Variants in RCOR1 observed in about 807,000 individuals in gnomAD.
The protein encoded by RCOR1 is REST corepressor.
RCOR1 carries 12 observed loss-of-function variants against 64.0 expected under a neutral mutation model. The observed-to-expected ratio is 0.19, with a 90% confidence interval of 0.12 to 0.30. The LOEUF (loss-of-function observed/expected upper bound fraction) is 0.30. Ranked by LOEUF, RCOR1 falls within the 10% of genes least tolerant of loss-of-function variation. The probability of loss-of-function intolerance (pLI) is 1.00; values close to 1 mark genes in which losing one functional copy is unlikely to be tolerated. For synonymous variants in RCOR1, 279 were observed against 227.2 expected (o/e 1.23, Z -2.05); for missense variants, 502 against 621.2 (o/e 0.81, Z 2.04).
At chr14:102,608,303 A>G (rs1893557810) in intron 2 of RCOR1, among the ~76,000 whole-genome samples, 1 of 152,168 alleles carries the variant, frequency 6.6e-6, no homozygotes, top group Non-Finnish European at 1.5e-5. Context: ...GTAAATGGGT[A>G]TGTGACCTTC....
At chr14:102,671,943 G>A (rs1895038876) in intron 2 of RCOR1, among the ~76,000 whole-genome samples, 2 of 152,100 alleles carry the variant, frequency 1.3e-5, no homozygotes, top group African/African-American at 2.4e-5. Flanking sequence ...GTGGATTTTT[G>A]TGCATGTGAC....
chr14:102,657,359 C>T, intron 2 of RCOR1: 1 of 985,182 alleles, frequency 1.0e-6, no homozygotes, highest in Non-Finnish European at 1.2e-6. Context: ...ATGTTTTAAT[C>T]CTAATTTAAG....
chr14:102,655,798 C>A (rs552657813), intron 2 of RCOR1, among the ~76,000 whole-genome samples: 3 of 152,018 alleles, frequency 2.0e-5, no homozygotes, highest in Non-Finnish European at 4.4e-5. Context: ...ACTAAAAATA[C>A]AAAAATTAGC....
At chr14:102,685,068 G>T (rs1895388579) in intron 3 of RCOR1, among the ~76,000 whole-genome samples, 1 of 151,410 alleles carries the variant, frequency 6.6e-6, no homozygotes, top group Non-Finnish European at 1.5e-5. Context: ...TTTCTTGTGT[G>T]TGTGTGTGTG....
At chr14:102,613,582 G>A (rs1428836097) in intron 2 of RCOR1, among the ~76,000 whole-genome samples, 3 of 151,732 alleles carry the variant, frequency 2.0e-5, no homozygotes, top group African/African-American at 4.8e-5. Context: ...ACAGGCGCCC[G>A]CCACTGCGCC....
chr14:102,721,853 CAG>C (rs1362575416), intron 10 of RCOR1, among the ~76,000 whole-genome samples: 2 of 152,142 alleles, frequency 1.3e-5, no homozygotes, highest in Non-Finnish European at 2.9e-5. Context: ...AAGAAGCAGA[CAG>C]AGTGTTCAGC....
At chr14:102,596,621 G>A (rs1429221266) in intron 2 of RCOR1, among the ~76,000 whole-genome samples, 40 of 146,874 alleles carry the variant, frequency 2.7e-4, no homozygotes, top group East Asian at 1.0e-3. Context: ...CTGGAGTGCA[G>A]TGGCACGATC....
At chr14:102,639,503 T>G (rs1894319013) in intron 2 of RCOR1, among the ~76,000 whole-genome samples, 1 of 85,146 alleles carries the variant, frequency 1.2e-5, no homozygotes, top group South Asian at 3.1e-4. Context: ...TAATTTTTAT[T>G]TATTTATTTA....
chr14:102,700,970 A>G (rs528990375), intron 3 of RCOR1, among the ~76,000 whole-genome samples: 2 of 152,240 alleles, frequency 1.3e-5, no homozygotes, highest in African/African-American at 2.4e-5. Flanking sequence ...CATATTTTAC[A>G]TGGATGGCGG....
chr14:102,708,619 G>A (rs201507035), intron 6 of RCOR1, 36 bp downstream of exon 6: 2 of 1,195,900 alleles, frequency 1.7e-6, no homozygotes, highest in Admixed American at 1.8e-5. Context: ...TAACCACTTA[G>A]GGGACTATCT....
chr14:102,659,034 T>C, intron 2 of RCOR1: 1 of 760,278 alleles, frequency 1.3e-6, no homozygotes. Context: ...TTAAGCTCCA[T>C]CTCCTAGAGG....
At chr14:102,717,552 G>T (rs919790165) in intron 8 of RCOR1, among the ~76,000 whole-genome samples, 1 of 152,098 alleles carries the variant, frequency 6.6e-6, no homozygotes, top group African/African-American at 2.4e-5. Flanking sequence ...GAATATGTCT[G>T]GGCTACTGTG....
intron 2 of RCOR1, among the ~76,000 whole-genome samples, chr14:102,673,644 T>TC (rs1168761651): frequency 2.9e-5 from 4 of 139,928 alleles, no homozygotes; most frequent in African/African-American, 8.2e-5. Flanking sequence ...AGACAGAGTT[T>TC]CACTCTTTTT....
chr14:102,691,673 A>G (rs1417428988), intron 3 of RCOR1, among the ~76,000 whole-genome samples: 2 of 152,246 alleles, frequency 1.3e-5, no homozygotes, highest in African/African-American at 4.8e-5. Context: ...AAAATGGGCA[A>G]AACGTACTAG....
chr14:102,704,557 G>C lies in RCOR1; in HGVS notation c.499-2794G>C, dbSNP rs901434257. 5.9e-5 allele frequency among the ~76,000 whole-genome samples: 9 copies of C among 152,266 alleles called. No individual in the cohort carries two copies. In the East Asian group the frequency reaches 1.2e-3, roughly 20 times the overall value. On this transcript the variant is annotated intron_variant, in intron 4 of 11. Transcript: ENST00000262241. Reference sequence around the variant, plus strand: ...AACAATTCTCCTGCCTCAGCCTCCTGAGTAGCTGGGATTACAGGTGCCTGC... The same window carrying C: ...AACAATTCTCCTGCCTCAGCCTCCTCAGTAGCTGGGATTACAGGTGCCTGC...
At chr14:102,619,941 G>A (rs74082443) in intron 2 of RCOR1, among the ~76,000 whole-genome samples, 19,188 of 152,164 alleles carry the variant, frequency 0.13, 1,461 homozygotes, top group African/African-American at 0.21. Flanking sequence ...CCATAACTGC[G>A]TATATCTTTT....
chr14:102,624,422 T>C (rs1330462386), intron 2 of RCOR1, among the ~76,000 whole-genome samples: 1 of 149,710 alleles, frequency 6.7e-6, no homozygotes, highest in African/African-American at 2.5e-5. Context: ...AGAGAATCTC[T>C]TGAACCCAGG....
At chr14:102,706,204 A>G (rs897185815) in intron 4 of RCOR1, among the ~76,000 whole-genome samples, 2 of 151,906 alleles carry the variant, frequency 1.3e-5, no homozygotes, top group African/African-American at 4.8e-5. Context: ...TGTACAAAAC[A>G]AATAGCCAAA....
At position 102,596,001 on chromosome 14, in the gene RCOR1, T is replaced by C. The variant is rs1893234314; in HGVS notation, c.361+2676T>C. Among the ~76,000 whole-genome samples the C allele has an allele frequency of 2.6e-5, 4 of 152,262 alleles. No homozygotes were observed. In the East Asian group the frequency reaches 5.8e-4, roughly 22 times the overall value. ...ACAGTTTTCTAGATATGGCAGAAAA[T>C]TGAGACTTTACTATTTCCTAGTGGT... is the stretch of plus-strand genomic sequence containing the variant. On this transcript the variant is annotated intron_variant, in intron 2 of 11. Transcript: ENST00000262241.
Sources: allele counts gnomAD v4.1 joint callset (sites outside exome capture counted in the v4.1 genomes callset), GRCh38; gene constraint gnomAD v4.1.1; transcripts MANE v1.5; gene names NCBI Gene and HGNC (gene_info 2026-07-23, HGNC 2026-07-21).